EVPL: variants seen among roughly 807,000 people sequenced by gnomAD.
The protein encoded by EVPL is envoplakin.
A neutral mutation model predicts 129.7 loss-of-function variants in EVPL; 94 were observed. The ratio of observed to expected loss-of-function variants is 0.72; its 90% confidence interval spans 0.61 to 0.86. The LOEUF (loss-of-function observed/expected upper bound fraction) is 0.86, where lower values mean the gene tolerates loss of function less well. Ranked by LOEUF, EVPL falls within the 40% of genes least tolerant of loss-of-function variation. The probability of loss-of-function intolerance (pLI) is 0.00; values close to 1 mark genes in which losing one functional copy is unlikely to be tolerated. For missense variants in EVPL, 2,625 were observed against 2,721.1 expected, an observed-to-expected ratio of 0.96 and a Z score of 0.79; for synonymous variants, 1,172 against 1,191.1, an observed-to-expected ratio of 0.98 and a Z score of 0.33.
Position 76,023,431 on chromosome 17 carries a change from T to C in EVPL, c.354-13A>G. On this transcript the variant is annotated splice_polypyrimidine_tract_variant and intron_variant, in intron 3 of 21. Coordinates refer to ENST00000301607, the MANE Select transcript of EVPL (RefSeq NM_001988.4). ...CAGCTGCTTGATGCTGTCAAGAAGG[T>C]GGCCGGCAGGTCAGGGCTGGACCTG... is the stretch of plus-strand genomic sequence containing the variant. 3 of 1,613,520 alleles carry C rather than the reference T, an allele frequency of 1.9e-6. No homozygotes were observed. The highest frequency in any genetic ancestry group is 2.5e-6 in the Non-Finnish European group (3 of 1,179,930).
In EVPL at chr17:76,013,585, C is replaced by T. The variant is rs1403260643; in HGVS notation, c.2373+841G>A. Among the ~76,000 whole-genome samples the T allele has an allele frequency of 1.3e-5, 2 of 152,146 alleles. No homozygotes were observed. The highest frequency in any genetic ancestry group is 2.4e-5 in the African/African-American group (1 of 41,422). On this transcript the variant is annotated intron_variant, in intron 18 of 21. Transcript: ENST00000301607. The surrounding 1 kb of genome is among the most constrained non-coding windows in gnomAD (Gnocchi z 4.3). The stretch of plus-strand genomic sequence containing the variant: ...CAGAACCCTGGGCATCACCGGGCCC[C>T]GTCCATCTCACTCACTGTCCCCTTC...
chr17:76,021,621 C>CA, intron 8 of EVPL, 53 bp downstream of exon 8: 2 of 1,521,478 alleles, frequency 1.3e-6, no homozygotes, highest in Non-Finnish European at 1.8e-6. Context: ...GCCCCACCTC[C>CA]CCCCTTCCCC....
At chr17:76,027,020 G>A (rs889969019) in intron 1 of EVPL, 81 bp downstream of exon 1, 38 of 842,972 alleles carry the variant, frequency 4.5e-5, no homozygotes, top group Non-Finnish European at 3.8e-5. Context: ...GGCCGCCGCC[G>A]CCGCCAGGTG....
In EVPL at chr17:76,007,597, C is replaced by T; in HGVS notation, c.5608G>A (p.Asp1870Asn). 2 of 1,614,012 alleles carry T rather than the reference C, an allele frequency of 1.2e-6. No individual in the cohort carries two copies. Among genetic ancestry groups the T allele is most frequent in the Non-Finnish European group, 1.7e-6 (2 of 1,180,036 alleles). The stretch of plus-strand genomic sequence containing the variant: ...GAGTAGCGCTCACGGCTGAGCAGGT[C>T]CACGATGCCCCCTGTGGCCGCCTGG... ...EAQAATGGIVDLLSRERYSVH... is the reference protein window; with the variant it reads ...EAQAATGGIVNLLSRERYSVH... Residue 1870 changes from aspartate to asparagine, a missense_variant, in exon 22 of 22, where the codon GAC becomes AAC. Asp to Asn is a conservative substitution (Grantham distance 23, BLOSUM62 1). Transcript: ENST00000301607. This position sits in a 1 kb window ranked among gnomAD's most constrained non-coding sequence, Gnocchi z 8.8.
At chr17:76,018,642 C>T (rs766339319) in intron 11 of EVPL, 42 bp from the exon 12 acceptor site, 2 of 1,561,526 alleles carry the variant, frequency 1.3e-6, no homozygotes, top group South Asian at 2.4e-5. Flanking sequence ...GGCTCAGGGG[C>T]AGGGGGCCAA....
Position 76,007,290 on chromosome 17 carries a change from A to T in EVPL, c.5915T>A (p.Leu1972Gln). 1 of 1,555,188 alleles carries T rather than the reference A, an allele frequency of 6.4e-7. No homozygotes were observed. ...CTTCTCGTAGCTGGACTCGTCCTGCAGGAGCTGGGCCAGCTCTTCACTGAT... is the reference window on the plus strand; with the variant it reads ...CTTCTCGTAGCTGGACTCGTCCTGCTGGAGCTGGGCCAGCTCTTCACTGAT... ...GMISEELAQL[L>Q]QDESSYEKDL... is the part of the protein sequence containing the mutation. The change falls in exon 22 of 22, where the codon CTG becomes CAG. Residue 1972 changes from leucine to glutamine, a missense_variant. Coordinates refer to ENST00000301607, the MANE Select transcript of EVPL (RefSeq NM_001988.4). The surrounding 1 kb of genome is among the most constrained non-coding windows in gnomAD (Gnocchi z 8.8).
chr17:76,011,937 G>C, intron 19 of EVPL, 55 bp from the exon 20 acceptor site: 2 of 1,601,380 alleles, frequency 1.2e-6, no homozygotes, highest in Non-Finnish European at 8.5e-7. Flanking sequence ...GGCTGGGTGT[G>C]GGGGATAGGG....
intron 14 of EVPL, 64 bp downstream of exon 14, chr17:76,017,675 C>A: frequency 6.4e-7 from 1 of 1,570,098 alleles, no homozygotes. Flanking sequence ...TCACCTCCCT[C>A]AAGTGTGAGC....
chr17:76,021,321 G>T (rs992694121), intron 9 of EVPL, 147 bp downstream of exon 9: 3 of 706,994 alleles, frequency 4.2e-6, no homozygotes, highest in Non-Finnish European at 7.1e-6. Context: ...CTCCCAAAGT[G>T]CTGGGATTAC....
chr17:76,024,570 C>T lies in EVPL; in HGVS notation c.99-450G>A, dbSNP rs192051162. ...AGCATGTCCCCCATCCCCACCTCCTCGCACTCCAGCCCTGTGTTCCCCTAT... is the reference window on the plus strand; with the variant it reads ...AGCATGTCCCCCATCCCCACCTCCTTGCACTCCAGCCCTGTGTTCCCCTAT... On this transcript the variant is annotated intron_variant, in intron 1 of 21. Coordinates refer to ENST00000301607, the MANE Select transcript of EVPL (RefSeq NM_001988.4). The surrounding 1 kb of genome is among the most constrained non-coding windows in gnomAD (Gnocchi z 4.5). Among the ~76,000 whole-genome samples the T allele has an allele frequency of 3.9e-4, 60 of 152,190 alleles. No individual in the cohort carries two copies. Among genetic ancestry groups the T allele is most frequent in the Admixed American group, 1.1e-3 (17 of 15,288 alleles).
In EVPL at chr17:76,013,458, T is replaced by C. The variant is rs2066394054; in HGVS notation, c.2373+968A>G. 6.6e-6 allele frequency among the ~76,000 whole-genome samples: 1 copy of C among 152,156 alleles called. No homozygotes were observed. The highest frequency in any genetic ancestry group is 6.5e-5 in the Admixed American group (1 of 15,282). On this transcript the variant is annotated intron_variant, in intron 18 of 21. Coordinates refer to ENST00000301607, the MANE Select transcript of EVPL (RefSeq NM_001988.4). The surrounding 1 kb of genome is among the most constrained non-coding windows in gnomAD (Gnocchi z 4.3). ...GCCCTCGGCTGTCCTGGCCACCTCA[T>C]TTCAGCATGACCCAGCCGGCCCCAT... is the stretch of plus-strand genomic sequence containing the variant.
chr17:76,022,666 C>T lies in EVPL; in HGVS notation c.481-128G>A, dbSNP rs1411090841. The T allele has an allele frequency of 2.3e-6, 3 of 1,289,802 alleles. No individual in the cohort carries two copies. Among genetic ancestry groups the T allele is most frequent in the South Asian group, 1.5e-5 (1 of 66,930 alleles). The allele number at this position is 1,289,802 out of a possible 1,614,324, so 79.9% of individuals were successfully genotyped here. A position where few individuals can be genotyped will look rare whatever the true frequency, so the allele number is the denominator to read the frequency against. Reference sequence around the variant, plus strand: ...AGCGTGGACGAGCCTGGGAGCAGCCCGGGTGCATGCCCTGCAGCTCCCCCA... The same window carrying T: ...AGCGTGGACGAGCCTGGGAGCAGCCTGGGTGCATGCCCTGCAGCTCCCCCA... On this transcript the variant is annotated intron_variant, in intron 4 of 21. Transcript: ENST00000301607. The surrounding 1 kb of genome is among the most constrained non-coding windows in gnomAD (Gnocchi z 5.6).
rs1385375771 is a variant in EVPL at position 76,022,866 on chromosome 17, GC to G, written c.481-329del. Among the ~76,000 whole-genome samples, 1 of 152,068 alleles carries G rather than the reference GC, an allele frequency of 6.6e-6. No homozygotes were observed. Among genetic ancestry groups the G allele is most frequent in the Non-Finnish European group, 1.5e-5 (1 of 68,004 alleles). ...CCTCAGAATGCCCTGCTCCAGCCGG[GC>G]CCTTCCCCACTGTCCCTCTATTGTC... is the stretch of plus-strand genomic sequence containing the variant. On this transcript the variant is annotated intron_variant, in intron 4 of 21. Coordinates refer to ENST00000301607, the MANE Select transcript of EVPL (RefSeq NM_001988.4). This position sits in a 1 kb window ranked among gnomAD's most constrained non-coding sequence, Gnocchi z 5.6.
Position 76,008,954 on chromosome 17 carries a change from C to T in EVPL, c.4251G>A (p.Glu1417=). ...GGAAGCTGAGCAGGCCCTCCTGCTC[C>T]TCCACGCCGGCCCGCAGCTGCTGCA... ...LEVQQLRAGV[E]EQEGLLSFQE... Residue 1417 remains glutamate (E), a synonymous_variant, in exon 22 of 22, where the codon GAG becomes GAA. Coordinates refer to ENST00000301607, the MANE Select transcript of EVPL (RefSeq NM_001988.4). The surrounding 1 kb of genome is among the most constrained non-coding windows in gnomAD (Gnocchi z 7.4). 6.2e-7 allele frequency: 1 copy of T among 1,611,970 alleles called. No homozygotes were observed. Among genetic ancestry groups the T allele is most frequent in the Non-Finnish European group, 8.5e-7 (1 of 1,179,970 alleles).
Position 76,022,338 on chromosome 17 carries a change from C to A in EVPL, c.606+75G>T, listed in dbSNP as rs1041796534. ...CCCACCCCTATCCCCAGGGCCCAGCCGATCTAGCTCCGGCTCTGACTGGAG... is the reference window on the plus strand; with the variant it reads ...CCCACCCCTATCCCCAGGGCCCAGCAGATCTAGCTCCGGCTCTGACTGGAG... On this transcript the variant is annotated intron_variant, in intron 5 of 21. Transcript: ENST00000301607. The surrounding 1 kb of genome is among the most constrained non-coding windows in gnomAD (Gnocchi z 5.6). 2.9e-5 allele frequency: 46 copies of A among 1,605,684 alleles called. No homozygotes were observed. The African/African-American group carries it at 5.7e-4, about 20-fold the overall frequency.
rs376290291 is a variant in EVPL, at chr17:76,008,980, C to T, written c.4225G>A (p.Val1409Met). ...VGRRRQLELE[V>M]QQLRAGVEEQ... ...TCCACGCCGGCCCGCAGCTGCTGCA[C>T]CTCAAGCTCTAGCTGGCGCCGCCGG... The change falls in exon 22 of 22, where the codon GTG (valine) becomes ATG (methionine). Residue 1409 changes from valine (V) to methionine (M), a missense_variant. This residue lies in a region of EVPL where 1,453 missense variants were observed against 1,511.8 expected (regional missense o/e 0.96). Coordinates refer to ENST00000301607, the MANE Select transcript of EVPL (RefSeq NM_001988.4). This position sits in a 1 kb window ranked among gnomAD's most constrained non-coding sequence, Gnocchi z 7.4. 2 of 1,611,690 alleles carry T rather than the reference C, an allele frequency of 1.2e-6. No individual in the cohort carries two copies. Among genetic ancestry groups the T allele is most frequent in the African/African-American group, 2.7e-5 (2 of 74,908 alleles).
Position 76,018,193 on chromosome 17 carries a change from C to G in EVPL, c.1505G>C (p.Ser502Thr), listed in dbSNP as rs752383797. The change falls in exon 13 of 22, where the codon AGT becomes ACT. Residue 502 changes from serine to threonine, a missense_variant. Ser to Thr is a moderately conservative substitution (Grantham distance 58, BLOSUM62 1). Around this residue, in one of 4 missense-constraint regions of EVPL, gnomAD observed 1,024 missense variants for 997.5 expected, o/e 1.03. Transcript: ENST00000301607. ...LATVQSRLKASAVESLRPSQQ... is the reference protein window; with the variant it reads ...LATVQSRLKATAVESLRPSQQ... ...GCTGGGCCGAAGAGACTCCACAGCACTGGCCTTCAGGCGGCTCTGGACTGT... is the reference window on the plus strand; with the variant it reads ...GCTGGGCCGAAGAGACTCCACAGCAGTGGCCTTCAGGCGGCTCTGGACTGT... 1.3e-6 allele frequency: 2 copies of G among 1,551,164 alleles called. No homozygotes were observed. Among genetic ancestry groups the G allele is most frequent in the Admixed American group, 3.9e-5 (2 of 51,002 alleles).
At position 76,007,082 on chromosome 17, in the gene EVPL, C is replaced by T. The variant is rs2066321374; in HGVS notation, c.*21G>A. The T allele has an allele frequency of 6.9e-7, 1 of 1,443,394 alleles. No individual in the cohort carries two copies. Among genetic ancestry groups the T allele is most frequent in the Admixed American group, 2.4e-5 (1 of 41,392 alleles). The allele number at this position is 1,443,394 out of a possible 1,614,324, so 89.4% of individuals were successfully genotyped here. ...TACCTGGCCCAACACACGCACTTCC[C>T]CACTGGCTCCTTGGCCCGTGTCAGC... On this transcript the variant is annotated 3_prime_UTR_variant, in exon 22 of 22. Transcript: ENST00000301607. This position sits in a 1 kb window ranked among gnomAD's most constrained non-coding sequence, Gnocchi z 8.8.
chr17:76,020,147 CAAACCAGATAAACTT>C lies in EVPL; in HGVS notation c.1012-509_1012-495del, dbSNP rs543801321. Among the ~76,000 whole-genome samples the C allele has an allele frequency of 8.8e-3, 1,324 of 151,206 alleles. 8 individuals are homozygous for C. Among genetic ancestry groups the C allele is most frequent in the Non-Finnish European group, 0.015 (997 of 67,880 alleles). ...CAGATAAACCTAAACCAGCTAAACA[CAAACCAGATAAACTT>C]AAACCAGATAAACCTAAACCAGCTA... On this transcript the variant is annotated intron_variant, in intron 9 of 21. Transcript: ENST00000301607.
Sources: gnomAD v4.1 joint callset for allele counts (sites outside exome capture counted in the v4.1 genomes callset) on GRCh38, gnomAD v4.1.1 for gene constraint, gnomAD v4.1.1 regional missense constraint, Gnocchi (gnomAD v3.1) non-coding constraint, MANE v1.5 for transcripts, NCBI Gene and HGNC (gene_info 2026-07-23, HGNC 2026-07-21) for gene names.